Variants in POU2F2 observed in about 807,000 individuals in gnomAD.
POU2F2 encodes POU domain, class 2, transcription factor 2.
In POU2F2, 14 loss-of-function variants were observed where a neutral mutation model predicts 63.5. The ratio of observed to expected loss-of-function variants is 0.22; its 90% CI spans 0.15 to 0.34. The LOEUF (loss-of-function observed/expected upper bound fraction) is 0.34, where lower values mean the gene tolerates loss of function less well. Ranked by LOEUF, POU2F2 falls within the 10% of genes least tolerant of loss-of-function variation. The pLI is 1.00. For synonymous variants in POU2F2, 306 were observed against 348.6 expected (o/e 0.88, Z 1.36); for missense variants, 607 against 815.2 (o/e 0.74, Z 3.11).
rs1429099259 is a variant in POU2F2, at chr19:42,099,717, T to C, written c.474A>G (p.Pro158=). The change falls in exon 6 of 15, where the codon CCA becomes CCG. Residue 158 remains proline, a splice_region_variant and synonymous_variant. Coordinates refer to ENST00000692977, the MANE Select transcript of POU2F2 (RefSeq NM_001394376.1). ...GGCCATCTGGGGTGGGGGCCTTACCTGGCTGGCTCTGCTGGGCCTGCGGTA... is the reference window on the plus strand; with the variant it reads ...GGCCATCTGGGGTGGGGGCCTTACCCGGCTGGCTCTGCTGGGCCTGCGGTA... ...FLLPQAQQSQ[P]GLLPTPNLFQ... The C allele has an allele frequency of 2.5e-6, 4 of 1,595,030 alleles. No individual in the cohort carries two copies. In the African/African-American group the frequency reaches 5.4e-5, roughly 21 times the overall value.
rs1323903187 is a variant in POU2F2 at position 42,096,448 on chromosome 19, G to A, written c.568-205C>T. On this transcript the variant is annotated intron_variant, in intron 7 of 14. Transcript: ENST00000692977. The surrounding 1 kb of genome is among the most constrained non-coding windows in gnomAD (Gnocchi z 4.1). Reference sequence around the variant, plus strand: ...TTAATCCCTTTAAAGGTCCGACTCTGCTGCCCTACATGGGTTTCCTCATTG... The same window carrying A: ...TTAATCCCTTTAAAGGTCCGACTCTACTGCCCTACATGGGTTTCCTCATTG... Among the ~76,000 whole-genome samples, 1 of 152,186 alleles carries A rather than the reference G, an allele frequency of 6.6e-6. No individual in the cohort carries two copies. The highest frequency in any genetic ancestry group is 1.9e-4 in the East Asian group (1 of 5,202).
At chr19:42,165,089 C>A (rs553012036) in intron 1 of POU2F2, among the ~76,000 whole-genome samples, 114 of 152,258 alleles carry the variant, frequency 7.5e-4, no homozygotes, top group Non-Finnish European at 1.3e-3. Context: ...ATGTGTCACA[C>A]CATTTGTCTG....
chr19:42,190,145 AGAGTCATGCTGG>A (rs1294458699), intron 1 of POU2F2, among the ~76,000 whole-genome samples: 1 of 152,138 alleles, frequency 6.6e-6, no homozygotes, highest in African/African-American at 2.4e-5. Flanking sequence ...AGATGGAGTA[AGAGTCATGCTGG>A]GAGTCATGCT....
At chr19:42,184,775 G>A (rs2034996615) in intron 1 of POU2F2, among the ~76,000 whole-genome samples, 1 of 152,126 alleles carries the variant, frequency 6.6e-6, no homozygotes, top group Non-Finnish European at 1.5e-5. Context: ...CTCCAGCTCT[G>A]TCTGGGCTGC....
chr19:42,125,261 C>G (rs2033083491), intron 1 of POU2F2, among the ~76,000 whole-genome samples: 1 of 151,484 alleles, frequency 6.6e-6, no homozygotes, highest in South Asian at 2.1e-4. Context: ...ACTCAGTAGG[C>G]TGAGATGGGA....
chr19:42,163,427 G>A (rs993382022), intron 1 of POU2F2, among the ~76,000 whole-genome samples: 48 of 152,160 alleles, frequency 3.2e-4, no homozygotes, highest in African/African-American at 1.0e-3. Context: ...TGGAGCAGGC[G>A]GTGAGTGGGC....
At chr19:42,133,517 G>C (rs2033901793), upstream of POU2F2, 1 of 154,610 alleles carries the variant, frequency 6.5e-6, no homozygotes, top group Non-Finnish European at 1.5e-5. This position sits in a 1 kb window ranked among gnomAD's most constrained non-coding sequence, Gnocchi z 5.1. Context: ...GGCCCCGCAG[G>C]ACATCCTGCG....
intron 1 of POU2F2, among the ~76,000 whole-genome samples, chr19:42,175,779 C>T (rs932129527): frequency 1.3e-5 from 2 of 152,096 alleles, no homozygotes; most frequent in African/African-American, 4.8e-5. Flanking sequence ...CCCAACCTCA[C>T]TCTGGGGCCC....
chr19:42,184,255 G>A (rs1017568885), intron 1 of POU2F2, among the ~76,000 whole-genome samples: 6 of 152,112 alleles, frequency 3.9e-5, no homozygotes, highest in Non-Finnish European at 7.4e-5. Context: ...ATCTCCCAAA[G>A]TGCCAAGATT....
intron 2 of POU2F2, among the ~76,000 whole-genome samples, chr19:42,148,339 G>A (rs2034273395): frequency 6.6e-6 from 1 of 152,188 alleles, no homozygotes; most frequent in South Asian, 2.1e-4. Context: ...CATAACTAGT[G>A]AAAAGTAAGC....
At chr19:42,106,051 C>CT (rs1555897213) in intron 5 of POU2F2, among the ~76,000 whole-genome samples, 21 of 79,008 alleles carry the variant, frequency 2.7e-4, no homozygotes, top group South Asian at 7.5e-4. Flanking sequence ...TTCTTTCTTT[C>CT]TTCTTTCTTT....
chr19:42,100,473 G>A (rs1199086863), intron 5 of POU2F2, among the ~76,000 whole-genome samples: 1 of 152,112 alleles, frequency 6.6e-6, no homozygotes, highest in Non-Finnish European at 1.5e-5. Flanking sequence ...AAGCCAGGCC[G>A]GGTGTGGTGA....
chr19:42,116,399 G>A (rs1323376965), intron 5 of POU2F2, among the ~76,000 whole-genome samples: 5 of 152,146 alleles, frequency 3.3e-5, no homozygotes, highest in Non-Finnish European at 7.4e-5. Flanking sequence ...TTACCTGTAT[G>A]TTGAGGACAA....
upstream of POU2F2, chr19:42,134,512 G>T: frequency 6.6e-6 from 1 of 152,570 alleles, no homozygotes; most frequent in Non-Finnish European, 1.5e-5. Context: ...AGGAGGATGG[G>T]CCTGCCTGAG....
rs914597312 is a variant in POU2F2, at chr19:42,153,010, C to T, written c.-9+7322G>A. 2.0e-5 allele frequency among the ~76,000 whole-genome samples: 3 copies of T among 152,266 alleles called. No homozygotes were observed. The highest frequency in any genetic ancestry group is 7.2e-5 in the African/African-American group (3 of 41,534). ...AGAACAGTGGGGCGAACCCTCAGGC[C>T]GGCCTGCGCCCACCCCCAGAGCTGC... On this transcript the variant is annotated intron_variant, in intron 2 of 6. Transcript: ENST00000524801. The surrounding 1 kb of genome is among the most constrained non-coding windows in gnomAD (Gnocchi z 5.6).
At chr19:42,119,598 G>A (rs979915385) in intron 4 of POU2F2, among the ~76,000 whole-genome samples, 6 of 152,218 alleles carry the variant, frequency 3.9e-5, no homozygotes, top group African/African-American at 9.6e-5. Context: ...ACCTGAAGCC[G>A]GGAGGTGGAG....
At chr19:42,134,166 C>T (rs1175711119), upstream of POU2F2, among the ~76,000 whole-genome samples, 1 of 145,794 alleles carries the variant, frequency 6.9e-6, no homozygotes, top group Non-Finnish European at 1.5e-5. Flanking sequence ...GCTTTGTTTT[C>T]AGTTAGGATT....
chr19:42,132,344 C>G (rs775887566), intron 1 of POU2F2, 40 bp downstream of exon 1: 1 of 1,585,870 alleles, frequency 6.3e-7, no homozygotes, highest in South Asian at 1.1e-5. Context: ...AAATGTGCTG[C>G]CTGTCCTCTG....
upstream of POU2F2, chr19:42,177,033 G>A (rs2034897655): frequency 1.3e-5 from 2 of 151,748 alleles, no homozygotes; most frequent in African/African-American, 4.8e-5. Flanking sequence ...CGGGCGGGCA[G>A]GGGCTGCGAG....
Sources: gnomAD v4.1 joint callset for allele counts (sites outside exome capture counted in the v4.1 genomes callset) on GRCh38, gnomAD v4.1.1 for gene constraint, Gnocchi (gnomAD v3.1) non-coding constraint, MANE v1.5 for transcripts, NCBI Gene and HGNC (gene_info 2026-07-23, HGNC 2026-07-21) for gene names.